EPB42: variants seen among roughly 807,000 people sequenced by gnomAD.
EPB42 encodes erythrocyte membrane protein band 4.2.
In EPB42, 49 loss-of-function variants were observed where a neutral mutation model predicts 76.9. The ratio of observed to expected loss-of-function variants is 0.64; its 90% CI spans 0.51 to 0.81. The LOEUF is 0.81. Among genes scored for constraint, EPB42 ranks in the 30% least tolerant of loss-of-function variants. The pLI is 0.00. For missense variants in EPB42, 731 were observed against 867.6 expected, an observed-to-expected ratio of 0.84 and a Z score of 1.98; for synonymous variants, 310 against 338.4, an observed-to-expected ratio of 0.92 and a Z score of 0.92.
At chr15:43,219,613 T>A (rs1268743415) in intron 1 of EPB42, among the ~76,000 whole-genome samples, 7 of 152,168 alleles carry the variant, frequency 4.6e-5, no homozygotes, top group Non-Finnish European at 7.3e-5. Context: ...TGTGTTTCTC[T>A]GATTGAGTAG....
intron 12 of EPB42, among the ~76,000 whole-genome samples, chr15:43,201,357 C>G (rs568979172): frequency 1.6e-4 from 24 of 152,250 alleles, no homozygotes; most frequent in Admixed American, 3.9e-4. Context: ...GTTAAAAGTA[C>G]AGGCTCATGA....
At chr15:43,214,378 G>A (rs753295543) in intron 3 of EPB42, among the ~76,000 whole-genome samples, 1 of 152,164 alleles carries the variant, frequency 6.6e-6, no homozygotes, top group Non-Finnish European at 1.5e-5. Context: ...CCTGACCCCA[G>A]GGAAGCCGCT....
upstream of EPB42, among the ~76,000 whole-genome samples, chr15:43,223,705 C>T (rs1038088481): frequency 1.3e-5 from 2 of 151,992 alleles, no homozygotes; most frequent in Middle Eastern, 3.4e-3. Context: ...CTCGGCTGGG[C>T]GCGGTGGCTC....
In EPB42 at chr15:43,207,527, C is replaced by G. The variant is rs1596408801; in HGVS notation, c.1076-86G>C. On this transcript the variant is annotated intron_variant, in intron 8 of 12. Coordinates refer to ENST00000441366, the MANE Select transcript of EPB42 (RefSeq NM_001114134.2). ...ACTGCGTAACCTCAGTCCCCATCCT[C>G]TAGCCTATTTTCCCTCCACGAGGAC... The G allele has an allele frequency of 4.4e-6, 7 of 1,594,800 alleles. No individual in the cohort carries two copies. In the East Asian group the frequency reaches 1.6e-4, roughly 36 times the overall value.
Position 43,208,264 on chromosome 15 carries a change from C to A in EPB42, c.1041G>T (p.Gln347His), listed in dbSNP as rs574359460. ...CATTAGGAGCACTTGGGTGCAGAAT[C>A]TGCCATCCATCATAACCCTGGGGCA... The part of the protein sequence containing the change: ...PALPQGYDGW[Q>H]ILHPSAPNGG... Residue 347 changes from glutamine (Q) to histidine (H), a missense_variant, in exon 8 of 13, where the codon CAG becomes CAT. Physicochemically the swap from Gln to His is conservative, Grantham distance 24. Coordinates refer to ENST00000441366, the MANE Select transcript of EPB42 (RefSeq NM_001114134.2). The A allele has an allele frequency of 1.2e-5, 19 of 1,614,176 alleles. No homozygotes were observed. The East Asian group carries it at 3.3e-4, about 28-fold the overall frequency.
At chr15:43,222,004 G>A (rs1472515447), upstream of EPB42, among the ~76,000 whole-genome samples, 2 of 151,780 alleles carry the variant, frequency 1.3e-5, no homozygotes, top group Non-Finnish European at 2.9e-5. Flanking sequence ...TTAGCTGGGC[G>A]TGGTGGCAGG....
upstream of EPB42, among the ~76,000 whole-genome samples, chr15:43,223,871 G>T (rs2042484196): frequency 1.3e-5 from 2 of 152,218 alleles, no homozygotes; most frequent in Non-Finnish European, 1.5e-5. Context: ...CTACTCAGGA[G>T]ACTGAGACAT....
rs1348548469 is a variant in EPB42 at position 43,211,407 on chromosome 15, C to A, written c.549+9G>T. 1 of 1,556,282 alleles carries A rather than the reference C, an allele frequency of 6.4e-7. No homozygotes were observed. Among genetic ancestry groups the A allele is most frequent in the African/African-American group, 1.4e-5 (1 of 73,820 alleles). On this transcript the variant is annotated intron_variant, in intron 4 of 12. Transcript: ENST00000441366. ...CTCTACACACTCCTCCCCTAGAGGG[C>A]CCTGGTACCTGGCCAAAGTCCCAGG...
rs2142282210 is a variant in EPB42 at position 43,206,657 on chromosome 15, C to G, written c.1319-28G>C. 5 of 1,613,734 alleles carry G rather than the reference C, an allele frequency of 3.1e-6. No individual in the cohort carries two copies. Among genetic ancestry groups the G allele is most frequent in the Middle Eastern group, 1.7e-4 (1 of 6,040 alleles). ...GGAGAAGGGAAGAAACAAAGCTGAC[C>G]TTTTACCCGGGTGGTATAAATGCTT... On this transcript the variant is annotated intron_variant, in intron 9 of 12. Transcript: ENST00000441366. This position sits in a 1 kb window ranked among gnomAD's most constrained non-coding sequence, Gnocchi z 4.7.
chr15:43,216,545 T>A, intron 1 of EPB42, 92 bp from the exon 2 acceptor site: 1 of 1,404,590 alleles, frequency 7.1e-7, no homozygotes, highest in Non-Finnish European at 9.9e-7. Context: ...ACCAGGGTTC[T>A]AATCCTCGGC....
intron 10 of EPB42, among the ~76,000 whole-genome samples, chr15:43,204,969 C>A (rs1391027254): frequency 2.1e-5 from 3 of 142,760 alleles, no homozygotes; most frequent in African/African-American, 5.4e-5. Flanking sequence ...CCTCCGCCCC[C>A]CCCCCAAAAA....
At chr15:43,217,103 C>T (rs1286282039) in intron 1 of EPB42, among the ~76,000 whole-genome samples, 4 of 152,202 alleles carry the variant, frequency 2.6e-5, no homozygotes, top group African/African-American at 9.7e-5. Context: ...TATGGTTTGG[C>T]TTTGGGTCCC....
At position 43,197,250 on chromosome 15, in the gene EPB42, G is replaced by GT; in HGVS notation, c.*51dup. Reference sequence around the variant, plus strand: ...AGTTTCTCTTCCTAGCACATGTTTGGTTTAGATTGTAGAACAAGGGTTGGC... The same window carrying GT: ...AGTTTCTCTTCCTAGCACATGTTTGGTTTTAGATTGTAGAACAAGGGTTGGC... On this transcript the variant is annotated 3_prime_UTR_variant, in exon 13 of 13. Coordinates refer to ENST00000441366, the MANE Select transcript of EPB42 (RefSeq NM_001114134.2). 5 of 1,611,608 alleles carry GT rather than the reference G, an allele frequency of 3.1e-6. No individual in the cohort carries two copies. Among genetic ancestry groups the GT allele is most frequent in the Non-Finnish European group, 4.2e-6 (5 of 1,178,012 alleles).
chr15:43,204,481 C>T (rs1356328402), intron 10 of EPB42, among the ~76,000 whole-genome samples: 1 of 152,118 alleles, frequency 6.6e-6, no homozygotes. Context: ...TTTATCTTAC[C>T]AAGGTCTCCT....
Position 43,208,731 on chromosome 15 carries a change from C to G in EPB42, c.877G>C (p.Ala293Pro). 1 of 1,614,186 alleles carries G rather than the reference C, an allele frequency of 6.2e-7. No individual in the cohort carries two copies. The highest frequency in any genetic ancestry group is 8.5e-7 in the Non-Finnish European group (1 of 1,180,044). The part of the protein sequence containing the change: ...GIPARVVTTF[A>P]SAQGTGGRLL... ...CGCCCACCGGTGCCCTGTGCTGAGG[C>G]AAACGTGGTCACCACGCGGGCAGGG... The change falls in exon 7 of 13, where the codon GCC becomes CCC. Residue 293 changes from alanine (A) to proline (P), a missense_variant. Coordinates refer to ENST00000441366, the MANE Select transcript of EPB42 (RefSeq NM_001114134.2).
chr15:43,204,296 C>T (rs2042168652), intron 10 of EPB42, among the ~76,000 whole-genome samples: 2 of 152,126 alleles, frequency 1.3e-5, no homozygotes, highest in Non-Finnish European at 2.9e-5. Context: ...ATTTGACCTC[C>T]CTTACTCTGC....
chr15:43,202,125 T>A, intron 11 of EPB42, 148 bp from the exon 12 acceptor site: 2 of 1,100,788 alleles, frequency 1.8e-6, no homozygotes, highest in Non-Finnish European at 2.7e-6. Flanking sequence ...TCTACCGCTC[T>A]ACCTGCTCTT....
chr15:43,212,433 A>G (rs1369236794), intron 3 of EPB42, among the ~76,000 whole-genome samples: 1 of 152,160 alleles, frequency 6.6e-6, no homozygotes, highest in Non-Finnish European at 1.5e-5. Context: ...CAGCCAGAAC[A>G]CTATCGTCCC....
At chr15:43,210,042 C>T (rs562032282) in intron 5 of EPB42, among the ~76,000 whole-genome samples, 83 of 152,344 alleles carry the variant, frequency 5.4e-4, no homozygotes, top group African/African-American at 1.9e-3. Flanking sequence ...CCACTCCTTC[C>T]CATGGGCCTA....
Sources: gnomAD v4.1 joint callset for allele counts (sites outside exome capture counted in the v4.1 genomes callset) on GRCh38, gnomAD v4.1.1 for gene constraint, Gnocchi (gnomAD v3.1) non-coding constraint, MANE v1.5 for transcripts, NCBI Gene and HGNC (gene_info 2026-07-23, HGNC 2026-07-21) for gene names.